Variants in ICA1L observed in about 807,000 individuals in gnomAD.
The protein encoded by ICA1L is islet cell autoantigen 1-like protein.
ICA1L carries 50 observed loss-of-function variants against 61.3 expected under a neutral mutation model. The observed-to-expected ratio is 0.82, with a 90% CI of 0.65 to 1.03. ICA1L has a LOEUF of 1.03. Among genes scored for constraint, ICA1L ranks in the 50% least tolerant of loss-of-function variants. The probability of loss-of-function intolerance (pLI) is 0.00; values close to 1 mark genes in which losing one functional copy is unlikely to be tolerated. For synonymous variants in ICA1L, 161 were observed against 191.3 expected (o/e 0.84, Z 1.31); for missense variants, 508 against 556.7 (o/e 0.91, Z 0.88).
Position 202,778,208 on chromosome 2 carries a change from A to G in ICA1L, c.*1325T>C, listed in dbSNP as rs1378601847. 1 of 152,132 alleles carries G rather than the reference A, an allele frequency of 6.6e-6. No homozygotes were observed. The highest frequency in any genetic ancestry group is 1.5e-5 in the Non-Finnish European group (1 of 68,018). 9.4% of individuals were successfully genotyped at this position (152,132 alleles called of 1,614,324 possible). A position where few individuals can be genotyped will look rare whatever the true frequency, so the allele number is the denominator to read the frequency against. ...CAAAATGTCTTCTTATGGAAATGCA[A>G]TGGACTGGATGACAAATATAAAACA... On this transcript the variant is annotated 3_prime_UTR_variant, in exon 13 of 13. Coordinates refer to ENST00000358299, the MANE Select transcript of ICA1L (RefSeq NM_001288622.3).
chr2:202,852,925 G>A (rs901262933), intron 1 of ICA1L, among the ~76,000 whole-genome samples: 8 of 151,630 alleles, frequency 5.3e-5, no homozygotes, highest in South Asian at 4.2e-4. Flanking sequence ...CCATCTGATC[G>A]TTGACAAACC....
chr2:202,786,130 G>T, intron 11 of ICA1L, 123 bp from the exon 12 acceptor site: 3 of 539,454 alleles, frequency 5.6e-6, no homozygotes, highest in South Asian at 3.2e-5. Flanking sequence ...TTCTATAAGA[G>T]GTATAAAATA....
chr2:202,787,337 T>C (rs1010679880), intron 11 of ICA1L, among the ~76,000 whole-genome samples: 1 of 152,240 alleles, frequency 6.6e-6, no homozygotes, highest in South Asian at 2.1e-4. Flanking sequence ...AGTTCAGTGC[T>C]GCTAGAAACG....
At chr2:202,797,177 T>C (rs1464895763) in intron 9 of ICA1L, among the ~76,000 whole-genome samples, 1 of 151,848 alleles carries the variant, frequency 6.6e-6, no homozygotes, top group South Asian at 2.1e-4. Context: ...TGTATATAAA[T>C]GAAACATAAT....
chr2:202,835,423 C>G (rs189135829), intron 1 of ICA1L, among the ~76,000 whole-genome samples: 1 of 151,624 alleles, frequency 6.6e-6, no homozygotes, highest in African/African-American at 2.4e-5. Context: ...CCAGGCTGGT[C>G]TCAAACTCTT....
At chr2:202,798,902 A>G (rs1693014423) in intron 9 of ICA1L, among the ~76,000 whole-genome samples, 3 of 152,146 alleles carry the variant, frequency 2.0e-5, no homozygotes, top group Admixed American at 6.5e-5. Context: ...GGCTTATTTC[A>G]CTTAAGATAA....
intron 8 of ICA1L, among the ~76,000 whole-genome samples, chr2:202,813,958 T>C (rs1346175649): frequency 6.6e-6 from 1 of 152,148 alleles, no homozygotes; most frequent in Non-Finnish European, 1.5e-5. Flanking sequence ...CTAGAGGTAC[T>C]TGTGGCTCTT....
chr2:202,836,800 T>TATATAGATATATAGATATAG (rs1694161150), intron 1 of ICA1L, among the ~76,000 whole-genome samples: 1 of 145,790 alleles, frequency 6.9e-6, no homozygotes, highest in East Asian at 2.0e-4. Flanking sequence ...TATATCTATA[T>TATATAGATATATAGATATAG]ATATAGATAT....
Position 202,863,751 on chromosome 2 carries a change from C to T in ICA1L, c.-8+7868G>A, listed in dbSNP as rs1381133308. 4.7e-5 allele frequency among the ~76,000 whole-genome samples: 7 copies of T among 150,058 alleles called. No homozygotes were observed. The South Asian group carries it at 8.5e-4, about 18-fold the overall frequency. ...CTGAGGCAGGAGAATGGCATGAACC[C>T]GGGAGGCGGAGCTTGCAGTGAGCCG... On this transcript the variant is annotated intron_variant, in intron 1 of 12. Coordinates refer to ENST00000358299, the MANE Select transcript of ICA1L (RefSeq NM_001288622.3).
chr2:202,783,832 A>T (rs1274292029), intron 12 of ICA1L, among the ~76,000 whole-genome samples: 1 of 152,106 alleles, frequency 6.6e-6, no homozygotes, highest in African/African-American at 2.4e-5. Flanking sequence ...ATGAATATTT[A>T]GTGGCAGAGA....
chr2:202,821,653 A>G (rs1693705239), intron 3 of ICA1L, 172 bp from the exon 4 acceptor site: 3 of 472,984 alleles, frequency 6.3e-6, no homozygotes, highest in Admixed American at 4.0e-5. Context: ...CAGAGACTCT[A>G]CTTTCCATAG....
chr2:202,774,366 T>G lies in ICA1L; in HGVS notation c.*5167A>C. 1 of 1,328,344 alleles carries G rather than the reference T, an allele frequency of 7.5e-7. No individual in the cohort carries two copies. Among genetic ancestry groups the G allele is most frequent in the Non-Finnish European group, 9.6e-7 (1 of 1,040,196 alleles). The allele number at this position is 1,328,344 out of a possible 1,614,324, so 82.3% of individuals were successfully genotyped here. A position where few individuals can be genotyped will look rare whatever the true frequency, so the allele number is the denominator to read the frequency against. ...CTGCCGCGCGCTCCGCTCAGCGTGG[T>G]CTGGCAGCCGGAGACCAGGCCTCAC... On this transcript the variant is annotated 3_prime_UTR_variant, in exon 13 of 13. Coordinates refer to ENST00000358299, the MANE Select transcript of ICA1L (RefSeq NM_001288622.3).
intron 1 of ICA1L, chr2:202,870,559 T>C (rs1350342886): frequency 1.3e-5 from 2 of 152,192 alleles, no homozygotes; most frequent in Admixed American, 1.3e-4. Flanking sequence ...GGCCAGTAAA[T>C]GTATAATTAA....
intron 9 of ICA1L, among the ~76,000 whole-genome samples, chr2:202,800,916 T>G (rs1693070938): frequency 6.6e-6 from 1 of 152,180 alleles, no homozygotes; most frequent in African/African-American, 2.4e-5. Context: ...AAGGATGAAT[T>G]AGATTTTAAG....
At chr2:202,860,505 G>A (rs1694881605) in intron 1 of ICA1L, among the ~76,000 whole-genome samples, 1 of 152,124 alleles carries the variant, frequency 6.6e-6, no homozygotes, top group South Asian at 2.1e-4. Context: ...TGTAATCCCA[G>A]CACTTTGGGA....
chr2:202,856,239 T>C lies in ICA1L; in HGVS notation c.-8+15380A>G, dbSNP rs991114751. Among the ~76,000 whole-genome samples, 6 of 152,170 alleles carry C rather than the reference T, an allele frequency of 3.9e-5. No homozygotes were observed. In the South Asian group the frequency reaches 6.2e-4, roughly 16 times the overall value. ...GATGCCAAAATCCTCAATAAAATAC[T>C]GGCAAACTGAATCCAGCAGCATATC... is the stretch of plus-strand genomic sequence containing the variant. On this transcript the variant is annotated intron_variant, in intron 1 of 12. Coordinates refer to ENST00000358299, the MANE Select transcript of ICA1L (RefSeq NM_001288622.3).
intron 9 of ICA1L, among the ~76,000 whole-genome samples, chr2:202,811,303 G>T (rs1456635456): frequency 3.9e-5 from 6 of 151,992 alleles, no homozygotes; most frequent in Non-Finnish European, 7.4e-5. Context: ...GTGAAATATC[G>T]GGGGTGAATT....
chr2:202,796,077 GAA>G (rs35547863), intron 10 of ICA1L, among the ~76,000 whole-genome samples: 7 of 147,112 alleles, frequency 4.8e-5, no homozygotes, highest in Non-Finnish European at 7.5e-5. Context: ...GCCTTTGGGG[GAA>G]AAAAAAAAGG....
Position 202,861,356 on chromosome 2 carries a change from G to C in ICA1L, c.-8+10263C>G, listed in dbSNP as rs1180101101. On this transcript the variant is annotated intron_variant, in intron 1 of 12. Transcript: ENST00000358299. ...GGAGGCAGAGGTTGCAGTGAACCAA[G>C]ACTGTGCCACTGCACTCCAGCCTGG... Among the ~76,000 whole-genome samples, 4 of 116,562 alleles carry C rather than the reference G, an allele frequency of 3.4e-5. No homozygotes were observed. In the East Asian group the frequency reaches 1.2e-3, roughly 35 times the overall value. 76.5% of individuals were successfully genotyped at this position (116,562 alleles called of 152,430 possible).
Sources: allele counts gnomAD v4.1 joint callset (sites outside exome capture counted in the v4.1 genomes callset), GRCh38; gene constraint gnomAD v4.1.1; transcripts MANE v1.5; gene names NCBI Gene and HGNC (gene_info 2026-07-23, HGNC 2026-07-21).